The following KAZN variants were observed in gnomAD, a reference collection of about 807,000 sequenced individuals.
KAZN encodes the protein kazrin.
In KAZN, 40 loss-of-function variants were observed where a neutral mutation model predicts 87.4. The ratio of observed to expected loss-of-function variants is 0.46; its 90% confidence interval spans 0.36 to 0.60. The LOEUF is 0.60. KAZN is among the 20% of genes least tolerant of loss of function. The probability of loss-of-function intolerance (pLI) is 0.00; values close to 1 mark genes in which losing one functional copy is unlikely to be tolerated. For missense variants in KAZN, 898 were observed against 1,073.9 expected, an observed-to-expected ratio of 0.84 and a Z score of 2.29; for synonymous variants, 466 against 458.3, an observed-to-expected ratio of 1.02 and a Z score of -0.22.
chr1:13,970,518 A>C (rs1268051480), intron 1 of KAZN, among the ~76,000 whole-genome samples: 2 of 152,158 alleles, frequency 1.3e-5, no homozygotes, highest in Non-Finnish European at 2.9e-5. Context: ...GCAAACGTTC[A>C]CTCATTAATA....
At chr1:14,130,926 G>A (rs544204785) in intron 1 of KAZN, among the ~76,000 whole-genome samples, 2 of 152,172 alleles carry the variant, frequency 1.3e-5, no homozygotes, top group South Asian at 4.2e-4. Flanking sequence ...TACTATGCAA[G>A]CAGTGTGTAT....
At chr1:14,378,629 C>T (rs550437763) in intron 2 of KAZN, among the ~76,000 whole-genome samples, 11 of 152,234 alleles carry the variant, frequency 7.2e-5, no homozygotes, top group Middle Eastern at 3.4e-3. Context: ...CAGTGCTGCC[C>T]CGTCACAGCA....
chr1:14,233,435 T>C (rs867815856), intron 2 of KAZN, among the ~76,000 whole-genome samples: 1 of 152,210 alleles, frequency 6.6e-6, no homozygotes, highest in Admixed American at 6.5e-5. Context: ...GCACTCAGCT[T>C]AGTTGCTAAA....
intron 1 of KAZN, among the ~76,000 whole-genome samples, chr1:14,957,755 CTG>C (rs1663315020): frequency 6.6e-6 from 1 of 152,226 alleles, no homozygotes; most frequent in Non-Finnish European, 1.5e-5. Flanking sequence ...CCTTCCAGAA[CTG>C]AGAGAAGCTG....
chr1:14,114,325 T>G (rs531226929), intron 1 of KAZN, among the ~76,000 whole-genome samples: 1 of 152,208 alleles, frequency 6.6e-6, no homozygotes, highest in East Asian at 1.9e-4. Context: ...GGCAGGACTT[T>G]GATGCTCCCC....
intron 2 of KAZN, among the ~76,000 whole-genome samples, chr1:15,030,258 T>C (rs922807889): frequency 3.9e-5 from 6 of 152,168 alleles, no homozygotes; most frequent in African/African-American, 1.4e-4. Flanking sequence ...TATTTTTATT[T>C]TGATTTTTAT....
At chr1:14,424,330 G>C (rs1003262999) in intron 2 of KAZN, among the ~76,000 whole-genome samples, 7 of 152,212 alleles carry the variant, frequency 4.6e-5, no homozygotes, top group Non-Finnish European at 1.5e-5. Context: ...GATGAGCACA[G>C]ATGAGACAAC....
Position 14,243,241 on chromosome 1 carries a change from C to T in KAZN, c.249+62649C>T, listed in dbSNP as rs76559112. On this transcript the variant is annotated intron_variant, in intron 2 of 16. Transcript: ENST00000636203. ...TTTCTCTTTTCTTTGAGAGCAAATT[C>T]GACCTCTCTCCTGTCAGAGCCACCT... 1.8e-3 allele frequency among the ~76,000 whole-genome samples: 271 copies of T among 152,268 alleles called. 5 individuals are homozygous for T. Among genetic ancestry groups the T allele is most frequent in the Admixed American group, 0.012 (183 of 15,294 alleles).
chr1:14,584,818 A>C (rs1675757854), intron 2 of KAZN, among the ~76,000 whole-genome samples: 1 of 151,920 alleles, frequency 6.6e-6, no homozygotes, highest in Non-Finnish European at 1.5e-5. Flanking sequence ...CTAATTTTGT[A>C]TTTTAGGTAG....
chr1:15,068,184 T>C (rs1444040904), intron 8 of KAZN: 1 of 750,400 alleles, frequency 1.3e-6, no homozygotes, highest in Non-Finnish European at 1.6e-6. Flanking sequence ...TGCTTCTATT[T>C]GGCTCCGGGT....
At chr1:14,263,992 CT>C (rs1651280314) in intron 2 of KAZN, among the ~76,000 whole-genome samples, 1 of 152,208 alleles carries the variant, frequency 6.6e-6, no homozygotes, top group Non-Finnish European at 1.5e-5. Flanking sequence ...AATATCTCCC[CT>C]GTTGCATTAA....
intron 2 of KAZN, among the ~76,000 whole-genome samples, chr1:14,539,252 G>A (rs1672672307): frequency 6.6e-6 from 1 of 152,194 alleles, no homozygotes; most frequent in African/African-American, 2.4e-5. Flanking sequence ...CACTGACAAA[G>A]GATATGGTAG....
At chr1:14,533,377 C>T (rs1053575724) in intron 2 of KAZN, among the ~76,000 whole-genome samples, 9 of 152,200 alleles carry the variant, frequency 5.9e-5, no homozygotes, top group African/African-American at 1.9e-4. Flanking sequence ...AGAAACTTCT[C>T]TCCAAATCCC....
rs890090814 is a variant in KAZN, at chr1:14,449,812, C to T, written c.250-149171C>T. Among the ~76,000 whole-genome samples, 8 of 152,086 alleles carry T rather than the reference C, an allele frequency of 5.3e-5. No individual in the cohort carries two copies. The South Asian group carries it at 1.7e-3, about 32-fold the overall frequency. On this transcript the variant is annotated intron_variant, in intron 2 of 16. Transcript: ENST00000636203. ...TTCTGAACAATGGGCTGATACCAAGCGATGATTCCTCCCTGACTTCATCTC... is the reference window on the plus strand; with the variant it reads ...TTCTGAACAATGGGCTGATACCAAGTGATGATTCCTCCCTGACTTCATCTC...
At chr1:14,999,167 C>T (rs1668201564) in intron 2 of KAZN, among the ~76,000 whole-genome samples, 2 of 152,190 alleles carry the variant, frequency 1.3e-5, no homozygotes, top group African/African-American at 4.8e-5. Flanking sequence ...GCCTGGGTGA[C>T]AGATGGAGAC....
chr1:14,958,518 C>G lies in KAZN; in HGVS notation c.227-2166C>G, dbSNP rs539200827. 7.2e-5 allele frequency among the ~76,000 whole-genome samples: 11 copies of G among 152,316 alleles called. 1 individual carries two copies. Among genetic ancestry groups the G allele is most frequent in the South Asian group, 4.1e-4 (2 of 4,826 alleles). On this transcript the variant is annotated intron_variant, in intron 1 of 14. Coordinates refer to ENST00000376030, the MANE Select transcript of KAZN (RefSeq NM_201628.3). The stretch of plus-strand genomic sequence containing the variant: ...ACTTCCTTTATGAGGAGGGGCACTT[C>G]CAATGCCTCCGAGGAGCCTCACAGC...
intron 2 of KAZN, among the ~76,000 whole-genome samples, chr1:14,459,315 G>A (rs979730715): frequency 1.3e-5 from 2 of 151,862 alleles, no homozygotes; most frequent in Non-Finnish European, 2.9e-5. Context: ...ACAAGCCCAT[G>A]TGTGTATGAA....
chr1:13,974,080 G>A (rs1209189800), intron 1 of KAZN, among the ~76,000 whole-genome samples: 1 of 152,402 alleles, frequency 6.6e-6, no homozygotes, highest in East Asian at 1.9e-4. Context: ...CACATGGGAT[G>A]TGTGTCAATC....
chr1:14,466,832 G>A (rs1422854008), intron 2 of KAZN, among the ~76,000 whole-genome samples: 1 of 152,118 alleles, frequency 6.6e-6, no homozygotes, highest in Non-Finnish European at 1.5e-5. Flanking sequence ...AGCCTGTTGT[G>A]GTGGCGGGCG....
Sources: allele counts gnomAD v4.1 joint callset (sites outside exome capture counted in the v4.1 genomes callset), GRCh38; gene constraint gnomAD v4.1.1; transcripts MANE v1.5; gene names NCBI Gene and HGNC (gene_info 2026-07-23, HGNC 2026-07-21).